Variants in TENM4 observed in about 807,000 individuals in gnomAD.
TENM4 encodes the protein teneurin transmembrane protein 4.
In TENM4, 82 loss-of-function variants were observed where a neutral mutation model predicts 243.3. The ratio of observed to expected loss-of-function variants is 0.34; its 90% confidence interval spans 0.28 to 0.40. The LOEUF is 0.40. TENM4 is among the 10% of genes least tolerant of loss of function. The pLI, the probability that TENM4 is intolerant of heterozygous loss-of-function variation, is 1.00. For synonymous variants in TENM4, 1,412 were observed against 1,456.3 expected, an observed-to-expected ratio of 0.97 and a Z score of 0.69; for missense variants, 3,138 against 3,673.3, an observed-to-expected ratio of 0.85 and a Z score of 3.77.
intron 6 of TENM4, among the ~76,000 whole-genome samples, chr11:78,984,535 C>A (rs1205286703): frequency 6.6e-6 from 1 of 152,174 alleles, no homozygotes; most frequent in African/African-American, 2.4e-5. Context: ...AATCCAGTGC[C>A]TGAATCCCAT....
chr11:78,946,881 T>A (rs998133945), intron 6 of TENM4, among the ~76,000 whole-genome samples: 1 of 152,182 alleles, frequency 6.6e-6, no homozygotes, highest in African/African-American at 2.4e-5. Context: ...ATGATAAAAC[T>A]TTTATGGATG....
At chr11:78,801,368 G>C (rs1014363794) in intron 15 of TENM4, among the ~76,000 whole-genome samples, 3 of 152,146 alleles carry the variant, frequency 2.0e-5, no homozygotes, top group East Asian at 3.9e-4. Context: ...GCTCTTCTGG[G>C]GCATAAGAAT....
At chr11:79,406,098 A>G (rs569441120) in intron 1 of TENM4, among the ~76,000 whole-genome samples, 5 of 152,214 alleles carry the variant, frequency 3.3e-5, no homozygotes, top group Non-Finnish European at 4.4e-5. Flanking sequence ...CTGTGCAGAC[A>G]TACAATCTTG....
intron 2 of TENM4, among the ~76,000 whole-genome samples, chr11:79,274,513 A>G (rs1856020571): frequency 6.6e-6 from 1 of 152,192 alleles, no homozygotes; most frequent in Non-Finnish European, 1.5e-5. Flanking sequence ...CATCTTCTTT[A>G]TATTTTTCCA....
rs1028917068 is a variant in TENM4 at position 78,653,182 on chromosome 11, C to T, written c.*4876G>A. On this transcript the variant is annotated 3_prime_UTR_variant, in exon 34 of 34. Transcript: ENST00000278550. ...AGGACTGAGTCCTCTCCCAGGTCAT[C>T]CTGATAGCAGCCAGCAGGGAAGTGC... 3 of 152,194 alleles carry T rather than the reference C, an allele frequency of 2.0e-5. No individual in the cohort carries two copies. Among genetic ancestry groups the T allele is most frequent in the African/African-American group, 4.8e-5 (2 of 41,448 alleles). The allele number at this position is 152,194 out of a possible 1,614,324, so 9.4% of individuals were successfully genotyped here.
intron 3 of TENM4, among the ~76,000 whole-genome samples, chr11:79,178,061 C>T (rs1262156482): frequency 6.6e-6 from 1 of 151,990 alleles, no homozygotes. Context: ...AGGAAGTAGT[C>T]CGATCATATA....
chr11:79,021,444 G>A (rs1858923791), intron 6 of TENM4: 1 of 152,232 alleles, frequency 6.6e-6, no homozygotes, highest in Non-Finnish European at 1.5e-5. Flanking sequence ...ATGTGAGATA[G>A]GGAAGGGAAG....
intron 17 of TENM4, among the ~76,000 whole-genome samples, chr11:78,775,230 T>C (rs1856718237): frequency 6.6e-6 from 1 of 152,206 alleles, no homozygotes; most frequent in Non-Finnish European, 1.5e-5. Flanking sequence ...TTCCATTCCA[T>C]GGAACCCCCT....
chr11:79,320,937 CT>C, intron 1 of TENM4, among the ~76,000 whole-genome samples: 1 of 152,326 alleles, frequency 6.6e-6, no homozygotes. Flanking sequence ...AAATGCTTCT[CT>C]TAGCATCCTC....
intron 1 of TENM4, among the ~76,000 whole-genome samples, chr11:79,303,504 T>C (rs1004732576): frequency 2.0e-5 from 3 of 152,260 alleles, no homozygotes; most frequent in African/African-American, 7.2e-5. Context: ...AAGTATTTAC[T>C]GTGTGCCAGA....
intron 12 of TENM4, among the ~76,000 whole-genome samples, chr11:78,833,755 A>G (rs1206275952): frequency 6.6e-6 from 1 of 152,172 alleles, no homozygotes; most frequent in Admixed American, 6.5e-5. Flanking sequence ...AATCGGGGGT[A>G]TGATTTTAAG....
At chr11:79,162,086 C>T (rs1418742435) in intron 3 of TENM4, among the ~76,000 whole-genome samples, 2 of 152,200 alleles carry the variant, frequency 1.3e-5, no homozygotes, top group African/African-American at 4.8e-5. Context: ...TTCTCCTCTC[C>T]TTGACGGGAT....
intron 1 of TENM4, among the ~76,000 whole-genome samples, chr11:79,415,857 C>T (rs1858801057): frequency 6.6e-6 from 1 of 151,766 alleles, no homozygotes; most frequent in Non-Finnish European, 1.5e-5. Flanking sequence ...TTCACATCAT[C>T]CCCCAAATTT....
intron 12 of TENM4, among the ~76,000 whole-genome samples, chr11:78,846,258 TGC>T (rs1173758298): frequency 6.1e-4 from 93 of 152,370 alleles, no homozygotes; most frequent in South Asian, 1.0e-3. Flanking sequence ...CTAGGACGTG[TGC>T]TTACCACTTA....
intron 24 of TENM4, 126 bp downstream of exon 24, chr11:78,722,542 T>A: frequency 6.0e-6 from 8 of 1,334,158 alleles, no homozygotes; most frequent in Non-Finnish European, 7.1e-6. Flanking sequence ...GTGAAAAGTC[T>A]CAGAGCCTGA....
intron 1 of TENM4, among the ~76,000 whole-genome samples, chr11:79,304,948 C>A (rs527774): frequency 0.78 from 119,362 of 152,188 alleles, 47,059 homozygotes; most frequent in Middle Eastern, 0.9. Context: ...CATACTGTCA[C>A]TTCTTTTCAG....
intron 1 of TENM4, among the ~76,000 whole-genome samples, chr11:79,316,008 C>G (rs1249158265): frequency 1.3e-5 from 2 of 152,124 alleles, no homozygotes; most frequent in Non-Finnish European, 2.9e-5. Context: ...TATTGTTACT[C>G]TATATATGAG....
At chr11:79,282,182 T>C (rs1443401546) in intron 2 of TENM4, among the ~76,000 whole-genome samples, 1 of 152,222 alleles carries the variant, frequency 6.6e-6, no homozygotes, top group Non-Finnish European at 1.5e-5. Context: ...TGTAAAATGA[T>C]CTCTCCTTTC....
At chr11:78,799,460 G>T (rs747612996) in intron 15 of TENM4, among the ~76,000 whole-genome samples, 6 of 152,174 alleles carry the variant, frequency 3.9e-5, no homozygotes, top group Non-Finnish European at 8.8e-5. Context: ...AGAGTCTAAG[G>T]ACTGTTTGGA....
Sources: allele counts gnomAD v4.1 joint callset (sites outside exome capture counted in the v4.1 genomes callset), GRCh38; gene constraint gnomAD v4.1.1; transcripts MANE v1.5; gene names NCBI Gene and HGNC (gene_info 2026-07-23, HGNC 2026-07-21).